Variants in IGSF23 observed in about 807,000 individuals in gnomAD.
IGSF23 encodes the protein immunoglobulin superfamily member 23.
A neutral mutation model predicts 17.8 loss-of-function variants in IGSF23; 14 were observed. The ratio of observed to expected loss-of-function variants is 0.79; its 90% CI spans 0.52 to 1.23. The LOEUF (loss-of-function observed/expected upper bound fraction) is 1.23. IGSF23 is among the 50% of genes most tolerant of loss of function. The probability of loss-of-function intolerance (pLI) is 0.00; values close to 1 mark genes in which losing one functional copy is unlikely to be tolerated. For synonymous variants in IGSF23, 85 were observed against 92.5 expected (o/e 0.92, Z 0.46); for missense variants, 214 against 241.7 (o/e 0.89, Z 0.76).
Position 44,613,691 on chromosome 19 carries a change from G to A in IGSF23, c.46G>A (p.Ala16Thr). The A allele has an allele frequency of 6.4e-7, 1 of 1,550,440 alleles. No individual in the cohort carries two copies. The highest frequency in any genetic ancestry group is 8.7e-7 in the Non-Finnish European group (1 of 1,146,916). Residue 16 changes from alanine (A) to threonine (T), a missense_variant, in exon 1 of 5, where the codon GCC (alanine) becomes ACC (threonine). Transcript: ENST00000402988. ...CCCCCTTCCCAGGAACCCTGTCCCA[G>A]CCTGGTCCCCACCCACCACCACCAC... is the stretch of plus-strand genomic sequence containing the variant. ...QSPLPRNPVP[A>T]WSPPTTTTDP...
At chr19:44,618,011 C>T (rs1231707591) in intron 1 of IGSF23, 5 of 462,312 alleles carry the variant, frequency 1.1e-5, no homozygotes, top group East Asian at 7.0e-5. Context: ...GTATAATATA[C>T]GTGCGTGCTT....
chr19:44,629,632 C>CTTTTT lies in IGSF23; in HGVS notation c.545+2075_545+2079dup, dbSNP rs11344283. 7.5e-4 allele frequency among the ~76,000 whole-genome samples: 85 copies of CTTTTT among 114,064 alleles called. 2 individuals carry two copies. The highest frequency in any genetic ancestry group is 9.6e-4 in the Non-Finnish European group (55 of 57,564). The allele number at this position is 114,064 out of a possible 152,430, so 74.8% of individuals were successfully genotyped here. On this transcript the variant is annotated intron_variant, in intron 3 of 4. Transcript: ENST00000402988. ...GTATTGAGCACCTATTATATGCTTTCTTTTTTTTTTTTTTTTTTTTGAGAC... is the reference window on the plus strand; with the variant it reads ...GTATTGAGCACCTATTATATGCTTTCTTTTTTTTTTTTTTTTTTTTTTTTTGAGAC...
chr19:44,618,996 AAG>A (rs1346302517), intron 1 of IGSF23, among the ~76,000 whole-genome samples: 135 of 150,718 alleles, frequency 9.0e-4, no homozygotes, highest in Middle Eastern at 3.4e-3. Context: ...AAAAAAAAAA[AAG>A]AAGAAGACGT....
At chr19:44,618,573 AGTT>A (rs1192391109) in intron 1 of IGSF23, among the ~76,000 whole-genome samples, 4 of 152,174 alleles carry the variant, frequency 2.6e-5, no homozygotes, top group Non-Finnish European at 5.9e-5. Context: ...CTAGCTGGAC[AGTT>A]GTTGTGTTCA....
chr19:44,625,607 G>C (rs887675737), intron 2 of IGSF23, among the ~76,000 whole-genome samples: 4 of 152,138 alleles, frequency 2.6e-5, no homozygotes, highest in Admixed American at 2.0e-4. Flanking sequence ...GAAAACAAGG[G>C]GTGACTGAGT....
At chr19:44,624,564 C>T (rs1236697388) in intron 2 of IGSF23, among the ~76,000 whole-genome samples, 3 of 152,118 alleles carry the variant, frequency 2.0e-5, no homozygotes, top group Non-Finnish European at 4.4e-5. Flanking sequence ...GGATTACAGA[C>T]ATGAGCCACC....
At chr19:44,621,052 T>C (rs1421753635) in intron 1 of IGSF23, among the ~76,000 whole-genome samples, 1 of 151,726 alleles carries the variant, frequency 6.6e-6, no homozygotes, top group East Asian at 1.9e-4. Flanking sequence ...GAGGCCGAGG[T>C]GAGAGGATTG....
intron 2 of IGSF23, 103 bp downstream of exon 2, chr19:44,624,075 G>T: frequency 1.9e-6 from 2 of 1,042,528 alleles, no homozygotes; most frequent in Non-Finnish European, 2.7e-6. Flanking sequence ...ACTATGAGCA[G>T]TCCCCTGTGA....
chr19:44,623,001 C>T lies in IGSF23; in HGVS notation c.126-706C>T, dbSNP rs111905349. Among the ~76,000 whole-genome samples the T allele has an allele frequency of 6.8e-3, 1,031 of 152,280 alleles. 12 individuals carry two copies. Among genetic ancestry groups the T allele is most frequent in the African/African-American group, 0.023 (959 of 41,552 alleles). On this transcript the variant is annotated intron_variant, in intron 1 of 4. Transcript: ENST00000402988. ...CCACAGCCCTGTGCAGTTTTCCTCA[C>T]AGCCCTTACCACCACTATATATACT...
chr19:44,617,875 C>T (rs1972421461), intron 1 of IGSF23, among the ~76,000 whole-genome samples: 1 of 152,178 alleles, frequency 6.6e-6, no homozygotes. Context: ...TGCCAACGTG[C>T]CCACTGACAG....
intron 1 of IGSF23, among the ~76,000 whole-genome samples, chr19:44,614,864 G>A (rs1972334806): frequency 6.6e-6 from 1 of 152,178 alleles, no homozygotes; most frequent in African/African-American, 2.4e-5. Flanking sequence ...CCCTCTCCAG[G>A]TCACACACTT....
intron 1 of IGSF23, among the ~76,000 whole-genome samples, chr19:44,616,320 A>G (rs1436218122): frequency 6.6e-6 from 1 of 152,212 alleles, no homozygotes; most frequent in Non-Finnish European, 1.5e-5. Flanking sequence ...TTTACTTTCC[A>G]AATTATTCTA....
intron 1 of IGSF23, 51 bp downstream of exon 1, chr19:44,613,821 G>T: frequency 6.5e-7 from 1 of 1,548,132 alleles, no homozygotes. Context: ...TCGTGAGCAG[G>T]GTCCTGCAGG....
intron 3 of IGSF23, 101 bp from the exon 4 acceptor site, chr19:44,635,300 C>T: frequency 2.2e-6 from 2 of 910,428 alleles, no homozygotes; most frequent in African/African-American, 1.6e-5. Flanking sequence ...AGGGTTAGGA[C>T]TACATATTAA....
chr19:44,613,720 C>T lies in IGSF23; in HGVS notation c.75C>T (p.Asp25=). ...GGTCCCCACCCACCACCACCACTGA[C>T]CCGATGCTAGAGAAGGATGCGGCTG... ...PAWSPPTTTT[D]PMLEKDAAGG... The change falls in exon 1 of 5, where the codon GAC becomes GAT. Residue 25 remains aspartate, a synonymous_variant. Transcript: ENST00000402988. 4 of 1,550,566 alleles carry T rather than the reference C, an allele frequency of 2.6e-6. No individual in the cohort carries two copies. Among genetic ancestry groups the T allele is most frequent in the Non-Finnish European group, 3.5e-6 (4 of 1,146,982 alleles).
At chr19:44,625,869 T>C (rs1322578573) in intron 2 of IGSF23, among the ~76,000 whole-genome samples, 1 of 152,200 alleles carries the variant, frequency 6.6e-6, no homozygotes, top group Non-Finnish European at 1.5e-5. Flanking sequence ...TCACGAGTTC[T>C]GATGGTTTTA....
chr19:44,636,670 G>T lies in IGSF23; in HGVS notation c.*283G>T, dbSNP rs1049943725. On this transcript the variant is annotated 3_prime_UTR_variant, in exon 5 of 5. Coordinates refer to ENST00000402988, the MANE Select transcript of IGSF23 (RefSeq NM_001205280.2). Reference sequence around the variant, plus strand: ...TGGGAGCTCAGTGCTCAGAAAACAGGGGGGAGGTTTTACCTTGGAAATTGG... The same window carrying T: ...TGGGAGCTCAGTGCTCAGAAAACAGTGGGGAGGTTTTACCTTGGAAATTGG... The T allele has an allele frequency of 6.6e-6, 1 of 152,166 alleles. No homozygotes were observed. Among genetic ancestry groups the T allele is most frequent in the Non-Finnish European group, 1.5e-5 (1 of 68,034 alleles). 9.4% of individuals were successfully genotyped at this position (152,166 alleles called of 1,614,324 possible).
At chr19:44,620,182 T>C (rs1324740362) in intron 1 of IGSF23, among the ~76,000 whole-genome samples, 3 of 151,694 alleles carry the variant, frequency 2.0e-5, no homozygotes, top group Admixed American at 1.3e-4. Flanking sequence ...GGAAGTAGAA[T>C]CGCTTGAACC....
intron 1 of IGSF23, among the ~76,000 whole-genome samples, chr19:44,615,564 G>A (rs941147764): frequency 2.0e-5 from 3 of 151,164 alleles, no homozygotes; most frequent in African/African-American, 2.4e-5. Flanking sequence ...CGGAGGTTGC[G>A]GTTAGCTGAG....
Sources: gnomAD v4.1 joint callset for allele counts (sites outside exome capture counted in the v4.1 genomes callset) on GRCh38, gnomAD v4.1.1 for gene constraint, MANE v1.5 for transcripts, NCBI Gene and HGNC (gene_info 2026-07-23, HGNC 2026-07-21) for gene names.